FMN2: variants seen among roughly 807,000 people sequenced by gnomAD.
FMN2 encodes formin-2.
A neutral mutation model predicts 142.3 loss-of-function variants in FMN2; 51 were observed. The observed-to-expected ratio is 0.36, with a 90% confidence interval of 0.29 to 0.45. FMN2 has a LOEUF of 0.45. Among genes scored for constraint, FMN2 ranks in the 20% least tolerant of loss-of-function variants. The pLI is 1.00. For synonymous variants in FMN2, 882 were observed against 869.8 expected (o/e 1.01, Z -0.25); for missense variants, 1,936 against 2,122.8 (o/e 0.91, Z 1.73).
chr1:240,348,891 AGT>A (rs1458133093), intron 13 of FMN2, among the ~76,000 whole-genome samples: 2 of 152,110 alleles, frequency 1.3e-5, no homozygotes, highest in African/African-American at 2.4e-5. Flanking sequence ...CACTACATGG[AGT>A]GACTGGGTTT....
chr1:240,396,838 T>G (rs1673796866), intron 15 of FMN2, among the ~76,000 whole-genome samples: 2 of 152,238 alleles, frequency 1.3e-5, no homozygotes, highest in African/African-American at 4.8e-5. Context: ...CCACATTTTC[T>G]TTATGCAGTC....
chr1:240,320,907 G>A (rs1670949595), intron 8 of FMN2, among the ~76,000 whole-genome samples: 3 of 152,176 alleles, frequency 2.0e-5, no homozygotes, highest in Admixed American at 2.0e-4. Context: ...CAAGAACCAA[G>A]GCAGTGACAC....
intron 14 of FMN2, among the ~76,000 whole-genome samples, chr1:240,389,802 G>A (rs2103094631): frequency 6.6e-6 from 1 of 152,128 alleles, no homozygotes; most frequent in African/African-American, 2.4e-5. Context: ...AAAATAGATT[G>A]AAAAATTTAG....
In FMN2 at chr1:240,329,369, C is replaced by T; in HGVS notation, c.4338C>T (p.Asn1446=). The T allele has an allele frequency of 6.2e-7, 1 of 1,613,660 alleles. No individual in the cohort carries two copies. The highest frequency in any genetic ancestry group is 8.5e-7 in the Non-Finnish European group (1 of 1,179,896). ...TTTATGAACTGTCACTAATCCCCAACTTTTCAGAGCGAGTCTTTTGCATCC... is the reference window on the plus strand; with the variant it reads ...TTTATGAACTGTCACTAATCCCCAATTTTTCAGAGCGAGTCTTTTGCATCC... The part of the protein sequence containing the change: ...QFLYELSLIP[N]FSERVFCILF... Residue 1446 remains asparagine (N), a synonymous_variant, in exon 10 of 18, where the codon AAC becomes AAT. Transcript: ENST00000319653.
intron 3 of FMN2, among the ~76,000 whole-genome samples, chr1:240,184,399 C>T (rs1238280043): frequency 6.6e-6 from 1 of 151,234 alleles, no homozygotes; most frequent in African/African-American, 2.4e-5. Context: ...ACCAGGCCGG[C>T]TCATTTTTGT....
chr1:240,357,603 C>T (rs974921767), intron 14 of FMN2, among the ~76,000 whole-genome samples: 6 of 146,016 alleles, frequency 4.1e-5, no homozygotes, highest in Admixed American at 1.4e-4. Flanking sequence ...TTTTAACAAC[C>T]TTACGGGTTT....
intron 8 of FMN2, among the ~76,000 whole-genome samples, chr1:240,317,146 G>C (rs1399739283): frequency 2.6e-5 from 4 of 152,050 alleles, no homozygotes; most frequent in African/African-American, 4.8e-5. Context: ...GTGAAACCCT[G>C]TCTCTACTAA....
chr1:240,313,410 T>C (rs1472050898), intron 8 of FMN2, among the ~76,000 whole-genome samples: 1 of 152,246 alleles, frequency 6.6e-6, no homozygotes, highest in Non-Finnish European at 1.5e-5. Flanking sequence ...TATTATATGA[T>C]GTATTTAAGT....
chr1:240,438,276 G>A (rs1675471186), intron 16 of FMN2, 66 bp downstream of exon 16: 2 of 1,523,564 alleles, frequency 1.3e-6, no homozygotes, highest in Non-Finnish European at 1.8e-6. Flanking sequence ...GCACCACTGG[G>A]TTGCCAATTT....
At chr1:240,170,171 T>C in intron 2 of FMN2, 7 of 987,578 alleles carry the variant, frequency 7.1e-6, no homozygotes, top group Non-Finnish European at 1.1e-5. Context: ...CCCGTGGACA[T>C]GGTGAACCAG....
Position 240,144,522 on chromosome 1 carries a change from C to T in FMN2, c.1782+21177C>T, listed in dbSNP as rs12087179. On this transcript the variant is annotated intron_variant, in intron 2 of 17. Coordinates refer to ENST00000319653, the MANE Select transcript of FMN2 (RefSeq NM_020066.5). ...ATCTGTTTCTGTACTACCACATCCTCGCAGGATGTGAAGATGTCTTCTACC... is the reference window on the plus strand; with the variant it reads ...ATCTGTTTCTGTACTACCACATCCTTGCAGGATGTGAAGATGTCTTCTACC... 7.2e-3 allele frequency: 10,588 copies of T among 1,471,384 alleles called. 586 individuals are homozygous for T. In the African/African-American group the frequency reaches 0.13, roughly 17 times the overall value. 91.1% of individuals were successfully genotyped at this position (1,471,384 alleles called of 1,614,324 possible).
At chr1:240,407,941 G>A (rs948453789) in intron 15 of FMN2, among the ~76,000 whole-genome samples, 27 of 152,246 alleles carry the variant, frequency 1.8e-4, no homozygotes, top group African/African-American at 5.5e-4. Flanking sequence ...GGGTATTACT[G>A]GCACATGAAA....
At chr1:240,282,906 T>G (rs1277640272) in intron 7 of FMN2, among the ~76,000 whole-genome samples, 1 of 152,220 alleles carries the variant, frequency 6.6e-6, no homozygotes, top group Non-Finnish European at 1.5e-5. Flanking sequence ...ATTTTTGTTA[T>G]GTAATATACA....
intron 2 of FMN2, among the ~76,000 whole-genome samples, chr1:240,141,383 A>G (rs75296256): frequency 0.076 from 11,494 of 151,880 alleles, 1,464 homozygotes; most frequent in African/African-American, 0.26. Context: ...ATGGAGTCTC[A>G]CTCTGTCATC....
chr1:240,125,578 A>G (rs1662463187), intron 2 of FMN2, among the ~76,000 whole-genome samples: 1 of 152,234 alleles, frequency 6.6e-6, no homozygotes, highest in Admixed American at 6.5e-5. Context: ...AACACTAGCC[A>G]TGTCTAGCAC....
intron 8 of FMN2, among the ~76,000 whole-genome samples, chr1:240,300,900 T>TTTG (rs1553358729): frequency 6.7e-6 from 1 of 150,048 alleles, no homozygotes; most frequent in Non-Finnish European, 1.5e-5. Context: ...GTGTGCATGT[T>TTTG]TTTTTTTTTT....
In FMN2 at chr1:240,092,231, G is replaced by A. The variant is rs747224830; in HGVS notation, c.122G>A (p.Gly41Asp). The A allele has an allele frequency of 1.3e-6, 2 of 1,577,384 alleles. No individual in the cohort carries two copies. The highest frequency in any genetic ancestry group is 2.7e-5 in the African/African-American group (2 of 73,898). Residue 41 changes from glycine to aspartate, a missense_variant, in exon 1 of 18, where the codon GGC becomes GAC. Around this residue, in one of 8 missense-constraint regions of FMN2, gnomAD observed 751 missense variants for 791.8 expected, o/e 0.95. Coordinates refer to ENST00000319653, the MANE Select transcript of FMN2 (RefSeq NM_020066.5). ...GAAGCCACAAAGAAGGGGAGCGGGGGCAAGAAGGCGCTAGGCAAGCACGGC... is the reference window on the plus strand; with the variant it reads ...GAAGCCACAAAGAAGGGGAGCGGGGACAAGAAGGCGCTAGGCAAGCACGGC... ...DVEATKKGSG[G>D]KKALGKHGKG...
intron 15 of FMN2, among the ~76,000 whole-genome samples, chr1:240,403,054 A>C (rs1254683745): frequency 6.6e-6 from 1 of 152,222 alleles, no homozygotes; most frequent in Non-Finnish European, 1.5e-5. Flanking sequence ...TAAAGCTAGT[A>C]GAAATGACTG....
chr1:240,272,256 T>A (rs1270298103), intron 7 of FMN2, among the ~76,000 whole-genome samples: 5 of 152,130 alleles, frequency 3.3e-5, no homozygotes, highest in Non-Finnish European at 7.4e-5. Context: ...CAGGACCACA[T>A]GGAGCATGCA....
Sources: allele counts gnomAD v4.1 joint callset (sites outside exome capture counted in the v4.1 genomes callset), GRCh38; gene constraint gnomAD v4.1.1; regional missense constraint gnomAD v4.1.1; transcripts MANE v1.5; gene names NCBI Gene and HGNC (gene_info 2026-07-23, HGNC 2026-07-21).